The following PRR12 variants were observed in gnomAD, a reference collection of about 807,000 sequenced individuals.
PRR12 encodes proline rich 12.
In PRR12, 12 loss-of-function variants were observed where a neutral mutation model predicts 138.0. The observed-to-expected ratio is 0.09, with a 90% CI of 0.06 to 0.14. The LOEUF (loss-of-function observed/expected upper bound fraction) is 0.14. Ranked by LOEUF, PRR12 falls within the 10% of genes least tolerant of loss-of-function variation. PRR12 has a pLI of 1.00. For missense variants in PRR12, 2,692 were observed against 2,861.3 expected (o/e 0.94, Z 1.35); for synonymous variants, 1,567 against 1,291.7 (o/e 1.21, Z -4.57).
At chr19:49,622,953 A>G (rs1211977610) in intron 11 of PRR12, among the ~76,000 whole-genome samples, 1 of 110,504 alleles carries the variant, frequency 9.0e-6, no homozygotes, top group Non-Finnish European at 1.8e-5. Flanking sequence ...AGAGAGAGAG[A>G]GAGAAAGAGA....
At chr19:49,600,475 G>C (rs552287578) in intron 5 of PRR12, among the ~76,000 whole-genome samples, 168 of 146,330 alleles carry the variant, frequency 1.1e-3, no homozygotes, top group African/African-American at 3.8e-3. Flanking sequence ...ACAGAGGGGA[G>C]TGTTCAAAAA....
chr19:49,625,086 C>A lies in PRR12; in HGVS notation c.5869-19C>A. On this transcript the variant is annotated intron_variant, in intron 12 of 13. Transcript: ENST00000418929. This position sits in a 1 kb window ranked among gnomAD's most constrained non-coding sequence, Gnocchi z 5.5. ...AAGTGCCGGGCTGGAGGGGCTGAGG[C>A]ATCTCCACTCCTACCCAGGAGTTCA... is the stretch of plus-strand genomic sequence containing the variant. 1.2e-6 allele frequency: 2 copies of A among 1,612,260 alleles called. No homozygotes were observed. The highest frequency in any genetic ancestry group is 1.7e-6 in the Non-Finnish European group (2 of 1,178,442).
At chr19:49,621,393 G>A (rs1328695948) in intron 10 of PRR12, 132 bp from the exon 11 acceptor site, 78 of 706,272 alleles carry the variant, frequency 1.1e-4, no homozygotes, top group Non-Finnish European at 2.4e-5. Context: ...GTCCGAAGGA[G>A]GAGGGGGCTG....
At position 49,596,727 on chromosome 19, in the gene PRR12, C is replaced by T; in HGVS notation, c.2392C>T (p.Pro798Ser). 1 of 1,601,394 alleles carries T rather than the reference C, an allele frequency of 6.2e-7. No homozygotes were observed. Among genetic ancestry groups the T allele is most frequent in the Non-Finnish European group, 8.5e-7 (1 of 1,176,320 alleles). ...CCTCCCACTGGTGCTGCCTCCGCCT[C>T]CCCCCCAGCTGCTCCCCTCGGTCCT... ...PDLPLVLPPPPPQLLPSVLSH... is the reference protein window; with the variant it reads ...PDLPLVLPPPSPQLLPSVLSH... Residue 798 changes from proline (P) to serine (S), a missense_variant, in exon 4 of 14, where the codon CCC becomes TCC. This residue lies in a region of PRR12 where 840 missense variants were observed against 689.8 expected (regional missense o/e 1.22). Coordinates refer to ENST00000418929, the MANE Select transcript of PRR12 (RefSeq NM_020719.3). This position sits in a 1 kb window ranked among gnomAD's most constrained non-coding sequence, Gnocchi z 5.6.
intron 6 of PRR12, among the ~76,000 whole-genome samples, chr19:49,613,046 T>G (rs989619368): frequency 8.6e-5 from 13 of 151,788 alleles, no homozygotes; most frequent in Non-Finnish European, 1.8e-4. Context: ...GGATTCAGTT[T>G]AAATTTGAGG....
Position 49,597,055 on chromosome 19 carries a change from A to G in PRR12, c.2720A>G (p.Lys907Arg). Reference sequence around the variant, plus strand: ...GTAGGCCCACCAAACTCGGAGGGCAAGGATCCCGCAGGCGCCTACCGCAGC... The same window carrying G: ...GTAGGCCCACCAAACTCGGAGGGCAGGGATCCCGCAGGCGCCTACCGCAGC... ...TGVGPPNSEG[K>R]DPAGAYRSPS... is the part of the protein sequence containing the mutation. Residue 907 changes from lysine to arginine, a missense_variant, in exon 4 of 14, where the codon AAG becomes AGG. By Grantham distance (26) the Lys-to-Arg change is conservative. Around this residue, in one of 11 missense-constraint regions of PRR12, gnomAD observed 840 missense variants for 689.8 expected, o/e 1.22. Coordinates refer to ENST00000418929, the MANE Select transcript of PRR12 (RefSeq NM_020719.3). The surrounding 1 kb of genome is among the most constrained non-coding windows in gnomAD (Gnocchi z 6.3). 5.8e-6 allele frequency: 9 copies of G among 1,553,298 alleles called. No individual in the cohort carries two copies. The highest frequency in any genetic ancestry group is 7.8e-6 in the Non-Finnish European group (9 of 1,149,358).
chr19:49,625,100 C>T lies in PRR12; in HGVS notation c.5869-5C>T. 1 of 1,612,754 alleles carries T rather than the reference C, an allele frequency of 6.2e-7. No individual in the cohort carries two copies. The highest frequency in any genetic ancestry group is 8.5e-7 in the Non-Finnish European group (1 of 1,178,860). On this transcript the variant is annotated splice_region_variant and splice_polypyrimidine_tract_variant and intron_variant, in intron 12 of 13. Transcript: ENST00000418929. This position sits in a 1 kb window ranked among gnomAD's most constrained non-coding sequence, Gnocchi z 5.5. Reference sequence around the variant, plus strand: ...AGGGGCTGAGGCATCTCCACTCCTACCCAGGAGTTCAAGGTTGAGCTGGAA... The same window carrying T: ...AGGGGCTGAGGCATCTCCACTCCTATCCAGGAGTTCAAGGTTGAGCTGGAA...
At chr19:49,610,603 C>T (rs962454766) in intron 6 of PRR12, among the ~76,000 whole-genome samples, 2 of 140,544 alleles carry the variant, frequency 1.4e-5, no homozygotes, top group African/African-American at 5.7e-5. Flanking sequence ...AGTGCTGTGG[C>T]GCGATCTCAG....
At position 49,594,644 on chromosome 19, in the gene PRR12, A is replaced by G. The variant is rs751243234; in HGVS notation, c.361+29A>G. On this transcript the variant is annotated intron_variant, in intron 3 of 13. Coordinates refer to ENST00000418929, the MANE Select transcript of PRR12 (RefSeq NM_020719.3). This position sits in a 1 kb window ranked among gnomAD's most constrained non-coding sequence, Gnocchi z 5.6. ...AGCCCAGCGCCGGCCCTGCAGGGCC[A>G]GGGTGGGACTGGCTCGCTGTTCTCT... The G allele has an allele frequency of 3.1e-6, 5 of 1,610,878 alleles. No individual in the cohort carries two copies. The Admixed American group carries it at 5.0e-5, about 16-fold the overall frequency.
intron 4 of PRR12, among the ~76,000 whole-genome samples, chr19:49,598,891 C>T (rs970959028): frequency 1.3e-5 from 2 of 152,114 alleles, no homozygotes; most frequent in Non-Finnish European, 2.9e-5. Context: ...AACTCCTGAC[C>T]TCAAGTGATT....
rs751631457 is a variant in PRR12, at chr19:49,595,154, G to A, written c.819G>A (p.Pro273=). ...TCTATAACTTCTCGGGTGCTGCCCC[G>A]GGCCCACCGCCGCCTGAGCGGGCCC... ...PQLYNFSGAA[P]GPPPPERALP... Residue 273 remains proline, a synonymous_variant, in exon 4 of 14, where the codon CCG becomes CCA. Coordinates refer to ENST00000418929, the MANE Select transcript of PRR12 (RefSeq NM_020719.3). The A allele has an allele frequency of 9.9e-6, 16 of 1,611,042 alleles. No homozygotes were observed. The highest frequency in any genetic ancestry group is 6.6e-5 in the South Asian group (6 of 91,040).
At chr19:49,613,057 A>C (rs7257494) in intron 6 of PRR12, among the ~76,000 whole-genome samples, 2,712 of 151,808 alleles carry the variant, frequency 0.018, 83 homozygotes, top group African/African-American at 0.061. Flanking sequence ...AAATTTGAGG[A>C]CAAGCGCGGT....
chr19:49,622,302 C>T (rs1323747344), intron 11 of PRR12, among the ~76,000 whole-genome samples: 2 of 152,036 alleles, frequency 1.3e-5, no homozygotes, highest in East Asian at 1.9e-4. Flanking sequence ...GCAGGAAGGC[C>T]GGGCACAGTG....
At chr19:49,593,540 C>T (rs1280713576) in intron 2 of PRR12, 101 bp downstream of exon 2, 1 of 628,460 alleles carries the variant, frequency 1.6e-6, no homozygotes. Context: ...TGGCCGTGGC[C>T]CGTGCCGTGG....
intron 4 of PRR12, 29 bp downstream of exon 4, chr19:49,598,042 TA>T (rs1238373254): frequency 7.6e-7 from 1 of 1,311,600 alleles, no homozygotes; most frequent in Non-Finnish European, 9.7e-7. Flanking sequence ...TTGTAGGGGA[TA>T]GGGGAGGAGG....
At chr19:49,620,499 A>T (rs547291622) in intron 10 of PRR12, 22 bp downstream of exon 10, 17 of 1,180,552 alleles carry the variant, frequency 1.4e-5, no homozygotes, top group Non-Finnish European at 1.8e-5. Flanking sequence ...CCTGGGGAGG[A>T]GGGGGGGGGG....
rs1461905438 is a variant in PRR12 at position 49,600,087 on chromosome 19, A to G, written c.4345+149A>G. 6 of 983,114 alleles carry G rather than the reference A, an allele frequency of 6.1e-6. No individual in the cohort carries two copies. In the African/African-American group the frequency reaches 9.9e-5, roughly 16 times the overall value. 60.9% of individuals were successfully genotyped at this position (983,114 alleles called of 1,614,324 possible). ...TTTATGAAGGGACTTTCCTGATTAC[A>G]CAAGCATTTTGAGGAAGGTCTATCT... On this transcript the variant is annotated intron_variant, in intron 5 of 13. Coordinates refer to ENST00000418929, the MANE Select transcript of PRR12 (RefSeq NM_020719.3).
chr19:49,599,452 G>A lies in PRR12; in HGVS notation c.3859G>A (p.Asp1287Asn). The A allele has an allele frequency of 6.2e-7, 1 of 1,605,214 alleles. No individual in the cohort carries two copies. The highest frequency in any genetic ancestry group is 8.5e-7 in the Non-Finnish European group (1 of 1,176,512). ...MKSGFMASFL[D>N]FLKSGKRHPP... ...GTCGGGTTTCATGGCCTCCTTCTTG[G>A]ACTTCCTCAAGTCAGGCAAGCGCCA... The change falls in exon 5 of 14, where the codon GAC becomes AAC. Residue 1287 changes from aspartate (D) to asparagine (N), a missense_variant. This residue lies in a region of PRR12 where 326 missense variants were observed against 344.2 expected (regional missense o/e 0.95). Transcript: ENST00000418929. This position sits in a 1 kb window ranked among gnomAD's most constrained non-coding sequence, Gnocchi z 5.0.
chr19:49,597,957 G>C lies in PRR12; in HGVS notation c.3622G>C (p.Gly1208Arg). The C allele has an allele frequency of 7.1e-7, 1 of 1,402,020 alleles. No individual in the cohort carries two copies. The allele number at this position is 1,402,020 out of a possible 1,614,324, so 86.8% of individuals were successfully genotyped here. A position where few individuals can be genotyped will look rare whatever the true frequency, so the allele number is the denominator to read the frequency against. Residue 1208 changes from glycine to arginine, a missense_variant, in exon 4 of 14, where the codon GGT becomes CGT. Coordinates refer to ENST00000418929, the MANE Select transcript of PRR12 (RefSeq NM_020719.3). The surrounding 1 kb of genome is among the most constrained non-coding windows in gnomAD (Gnocchi z 6.3). ...ACCCCGGGGCCGGGGCCGAGGCCGG[G>C]GTCGAAAGGCTGAGGAGGCAGGGGG... is the stretch of plus-strand genomic sequence containing the variant. The part of the protein sequence containing the change: ...KKPRGRGRGR[G>R]RKAEEAGGTR...
Sources: allele counts gnomAD v4.1 joint callset (sites outside exome capture counted in the v4.1 genomes callset), GRCh38; gene constraint gnomAD v4.1.1; regional missense constraint gnomAD v4.1.1; non-coding constraint Gnocchi (gnomAD v3.1); transcripts MANE v1.5; gene names NCBI Gene and HGNC (gene_info 2026-07-23, HGNC 2026-07-21).